Variants in TRPM5 observed in about 807,000 individuals in gnomAD.
TRPM5 encodes MLSN1 and TRP-related.
In TRPM5, 121 loss-of-function variants were observed where a neutral mutation model predicts 124.9. The observed-to-expected ratio is 0.97, with a 90% CI of 0.84 to 1.13. The LOEUF (loss-of-function observed/expected upper bound fraction) is 1.13. TRPM5 is among the 50% of genes most tolerant of loss of function. TRPM5 has a pLI of 0.00. For missense variants in TRPM5, 1,643 were observed against 1,589.1 expected, an observed-to-expected ratio of 1.03 and a Z score of -0.58; for synonymous variants, 781 against 700.5, an observed-to-expected ratio of 1.11 and a Z score of -1.81.
At position 2,415,910 on chromosome 11, in the gene TRPM5, C is replaced by T. The variant is rs1845665884; in HGVS notation, c.1124G>A (p.Trp375Ter). The change falls in exon 8 of 24, where the codon TGG (tryptophan) becomes TAG (stop). Residue 375 changes from tryptophan to a stop codon, truncating the protein, a stop_gained. Transcript: ENST00000155858. LOFTEE classifies it high-confidence loss of function. The stretch of plus-strand genomic sequence containing the variant: ...GTAGGCAGGGCTGGGAGGCACCTTC[C>T]ACTCCACGTCCCCATTGAAGATCTC... The T allele has an allele frequency of 5.7e-6, 9 of 1,572,042 alleles. No individual in the cohort carries two copies. The highest frequency in any genetic ancestry group is 7.8e-6 in the Non-Finnish European group (9 of 1,158,326).
chr11:2,425,808 C>T (rs1338248941), upstream of TRPM5, among the ~76,000 whole-genome samples: 39 of 152,180 alleles, frequency 2.6e-4, no homozygotes, highest in Admixed American at 2.5e-3. Flanking sequence ...GGCCATGACC[C>T]TCAGCCTGGG....
At chr11:2,410,650 G>T (rs1205288271) in intron 18 of TRPM5, 1 of 452,310 alleles carries the variant, frequency 2.2e-6, no homozygotes, top group East Asian at 7.0e-5. Flanking sequence ...TGGCCAAGCG[G>T]CTCTGACCCC....
At chr11:2,415,079 G>A (rs757235148) in intron 9 of TRPM5, 32 bp from the exon 15 acceptor site, 188 of 1,589,316 alleles carry the variant, frequency 1.2e-4, no homozygotes, top group Non-Finnish European at 1.5e-4. Flanking sequence ...CTCCTGCTGC[G>A]GCCCCAGCCT....
intron 18 of TRPM5, 109 bp from the exon 24 acceptor site, chr11:2,408,021 G>A (rs572790879): frequency 1.3e-5 from 18 of 1,413,362 alleles, no homozygotes; most frequent in African/African-American, 2.9e-5. Context: ...CCCAGGGGAC[G>A]GGGTGCTGGT....
intron 2 of TRPM5, 138 bp from the exon 8 acceptor site, chr11:2,421,336 G>T: frequency 8.8e-7 from 1 of 1,138,784 alleles, no homozygotes; most frequent in Non-Finnish European, 1.2e-6. Context: ...GCCTCACGGT[G>T]GGGTGGGGAA....
At chr11:2,416,276 G>A (rs940022585) in intron 7 of TRPM5, among the ~76,000 whole-genome samples, 2 of 152,218 alleles carry the variant, frequency 1.3e-5, no homozygotes, top group South Asian at 2.1e-4. Flanking sequence ...CAACTTCCTC[G>A]GCTGCAACGG....
chr11:2,414,322 C>T (rs1431571951), intron 11 of TRPM5, 116 bp from the exon 17 acceptor site: 1 of 1,396,352 alleles, frequency 7.2e-7, no homozygotes, highest in Non-Finnish European at 9.6e-7. Flanking sequence ...CTGCGTTCAA[C>T]ACGCAGGGCC....
the TRPM5 span, among the ~76,000 whole-genome samples, chr11:2,439,284 A>C: frequency 6.6e-6 from 1 of 152,220 alleles, no homozygotes; most frequent in East Asian, 1.9e-4. Context: ...ATTTATGATT[A>C]ATTTCTCAAA....
At chr11:2,406,826 G>T in intron 20 of TRPM5, 33 bp from the exon 26 acceptor site, 2 of 1,595,364 alleles carry the variant, frequency 1.3e-6, no homozygotes. Flanking sequence ...AGCATTACTA[G>T]AGCATGTGGG....
chr11:2,423,422 G>C (rs567478847), upstream of TRPM5, among the ~76,000 whole-genome samples: 12 of 152,296 alleles, frequency 7.9e-5, no homozygotes, highest in Admixed American at 4.6e-4. Flanking sequence ...TGGAAACTCC[G>C]AAAGACTCAG....
intron 22 of TRPM5, 103 bp from the exon 28 acceptor site, chr11:2,405,696 C>G (rs1280948320): frequency 7.9e-7 from 1 of 1,264,724 alleles, no homozygotes; most frequent in Non-Finnish European, 1.1e-6. Flanking sequence ...CCCCGCTGCC[C>G]TGTGACTCCT....
the TRPM5 span, among the ~76,000 whole-genome samples, chr11:2,434,161 T>G: frequency 6.6e-6 from 1 of 150,856 alleles, no homozygotes; most frequent in African/African-American, 2.4e-5. Context: ...TGTGTGTAGG[T>G]GTACCATGTG....
At chr11:2,429,637 GTGGTCA>G in the TRPM5 span, among the ~76,000 whole-genome samples, 1 of 151,644 alleles carries the variant, frequency 6.6e-6, no homozygotes, top group South Asian at 2.1e-4. This position sits in a 1 kb window ranked among gnomAD's most constrained non-coding sequence, Gnocchi z 8.4. Context: ...GGTGATAATG[GTGGTCA>G]TGGTGATGGT....
rs890271393 is a variant in TRPM5, at chr11:2,408,005, G to T, written c.2783-93C>A. ...CCGAGATAGAGCGCTGAGTCCTGGT[G>T]TTGAACCCAGGGGACGGGGTGCTGG... On this transcript the variant is annotated intron_variant, in intron 18 of 23. Coordinates refer to ENST00000155858, the Ensembl canonical transcript of TRPM5. 13 of 1,489,870 alleles carry T rather than the reference G, an allele frequency of 8.7e-6. No individual in the cohort carries two copies. The African/African-American group carries it at 1.8e-4, about 21-fold the overall frequency. The allele number at this position is 1,489,870 out of a possible 1,614,324, so 92.3% of individuals were successfully genotyped here.
In TRPM5 at chr11:2,412,166, TG is replaced by T; in HGVS notation, c.2442del (p.Ile815SerfsTer35). 4 of 1,613,552 alleles carry T rather than the reference TG, an allele frequency of 2.5e-6. No individual in the cohort carries two copies. Among genetic ancestry groups the T allele is most frequent in the Non-Finnish European group, 3.4e-6 (4 of 1,179,974 alleles). On this transcript the variant is annotated frameshift_variant, in exon 16 of 24. Coordinates refer to ENST00000155858, the Ensembl canonical transcript of TRPM5. LOFTEE classifies it high-confidence loss of function. ...GTGACACCCACGATGAACAGGAAGATGGCCACCATGTCACACTTGTTCCAGT... is the reference window on the plus strand; with the variant it reads ...GTGACACCCACGATGAACAGGAAGATGCCACCATGTCACACTTGTTCCAGT...
chr11:2,406,910 G>A, intron 20 of TRPM5, 117 bp from the exon 26 acceptor site: 1 of 1,448,180 alleles, frequency 6.9e-7, no homozygotes, highest in Non-Finnish European at 9.2e-7. Flanking sequence ...GGCCCAGCCA[G>A]GGATGGAGGG....
At chr11:2,423,102 C>T (rs555861699), upstream of TRPM5, 627 of 1,348,488 alleles carry the variant, frequency 4.6e-4, 1 homozygote, top group Non-Finnish European at 6.0e-4. Flanking sequence ...CCCCACCTCC[C>T]TCCCCTCAGG....
chr11:2,414,951 C>T lies in TRPM5; in HGVS notation c.1576G>A (p.Val526Met), dbSNP rs373058616. 42 of 1,606,684 alleles carry T rather than the reference C, an allele frequency of 2.6e-5. No homozygotes were observed. The highest frequency in any genetic ancestry group is 8.9e-5 in the East Asian group (4 of 44,864). ...GCCATCTCGTGGCGGTTCTGCAGCA[C>T]GGCCCACAGGAACAGGTCCCGCCAG... The change falls in exon 10 of 24, where the codon GTG (valine) becomes ATG (methionine). Residue 526 changes from valine to methionine, a missense_variant. Val to Met is a conservative substitution (Grantham distance 21, BLOSUM62 1). Transcript: ENST00000155858.
chr11:2,411,024 C>T (rs1850433957), intron 18 of TRPM5, among the ~76,000 whole-genome samples: 1 of 152,146 alleles, frequency 6.6e-6, no homozygotes, highest in Non-Finnish European at 1.5e-5. Context: ...CGATAGACCA[C>T]CCCCAGAGCA....
Sources: gnomAD v4.1 joint callset for allele counts (sites outside exome capture counted in the v4.1 genomes callset) on GRCh38, gnomAD v4.1.1 for gene constraint, Gnocchi (gnomAD v3.1) non-coding constraint, MANE v1.5 for transcripts, NCBI Gene and HGNC (gene_info 2026-07-23, HGNC 2026-07-21) for gene names.